Variants in CUBN observed in about 807,000 individuals in gnomAD.
The protein encoded by CUBN is cubilin, also known as 460 kDa receptor.
Under a neutral mutation model 405.3 loss-of-function variants are expected in CUBN, and 282 were observed. The ratio of observed to expected loss-of-function variants is 0.70; its 90% CI spans 0.63 to 0.77. The LOEUF is 0.77. Among genes scored for constraint, CUBN ranks in the 30% least tolerant of loss-of-function variants. The pLI, the probability that CUBN is intolerant of heterozygous loss-of-function variation, is 0.00. For missense variants in CUBN, 4,514 were observed against 4,475.2 expected (o/e 1.01, Z -0.25); for synonymous variants, 1,684 against 1,617.0 (o/e 1.04, Z -0.99).
chr10:16,910,733 C>T (rs1423955971), intron 48 of CUBN, among the ~76,000 whole-genome samples: 5 of 151,550 alleles, frequency 3.3e-5, no homozygotes, highest in African/African-American at 1.2e-4. Context: ...AAATGAGCAA[C>T]ACAAAACTTC....
chr10:17,125,575 T>C (rs1837162148), intron 4 of CUBN, among the ~76,000 whole-genome samples: 1 of 152,200 alleles, frequency 6.6e-6, no homozygotes, highest in Admixed American at 6.5e-5. Context: ...AAAGCAACAC[T>C]GTCTGGGGAC....
intron 59 of CUBN, among the ~76,000 whole-genome samples, chr10:16,860,149 A>T (rs1022810258): frequency 2.6e-5 from 4 of 152,180 alleles, no homozygotes; most frequent in African/African-American, 9.7e-5. Context: ...AAGTGGGACA[A>T]ACAAAACACA....
chr10:16,999,526 TC>T (rs1284629200), intron 28 of CUBN, among the ~76,000 whole-genome samples: 1 of 152,196 alleles, frequency 6.6e-6, no homozygotes, highest in East Asian at 1.9e-4. Context: ...CTTTTCCCTC[TC>T]CTTGGATGTT....
Position 16,947,311 on chromosome 10 carries a change from C to G in CUBN, c.5266G>C (p.Asp1756His). 1 of 1,614,088 alleles carries G rather than the reference C, an allele frequency of 6.2e-7. No homozygotes were observed. Among genetic ancestry groups the G allele is most frequent in the Non-Finnish European group, 8.5e-7 (1 of 1,179,966 alleles). Residue 1756 changes from aspartate to histidine, a missense_variant, in exon 36 of 67, where the codon GAC (aspartate) becomes CAC (histidine). This residue lies in a region of CUBN where 1,613 missense variants were observed against 1,542.8 expected (regional missense o/e 1.05). Coordinates refer to ENST00000377833, the MANE Select transcript of CUBN (RefSeq NM_001081.4). ...EGIFNSPGYP[D>H]IYPPNVECVW... ...CATTCCACATTAGGGGGATAAATGT[C>G]TGGGTAGCCAGGGCTGTTGAAGATG...
chr10:17,000,728 A>C (rs1833854197), intron 28 of CUBN, among the ~76,000 whole-genome samples: 1 of 152,126 alleles, frequency 6.6e-6, no homozygotes, highest in Admixed American at 6.5e-5. Flanking sequence ...TCACACACTG[A>C]GTTTTGTGTT....
intron 16 of CUBN, among the ~76,000 whole-genome samples, chr10:17,085,158 G>C (rs903024241): frequency 9.2e-5 from 14 of 152,140 alleles, no homozygotes; most frequent in African/African-American, 3.4e-4. Flanking sequence ...ACAGCTAATA[G>C]TATTTGGCTG....
At chr10:16,902,070 T>C (rs1230935208) in intron 51 of CUBN, among the ~76,000 whole-genome samples, 1 of 135,816 alleles carries the variant, frequency 7.4e-6, no homozygotes, top group South Asian at 2.2e-4. Context: ...GGTATATATA[T>C]ACACACACAC....
intron 27 of CUBN, among the ~76,000 whole-genome samples, chr10:17,024,425 T>A (rs1425701255): frequency 1.3e-5 from 2 of 152,220 alleles, no homozygotes; most frequent in Non-Finnish European, 2.9e-5. Flanking sequence ...GCTAAAAATT[T>A]AAAACTGTAA....
intron 27 of CUBN, among the ~76,000 whole-genome samples, chr10:17,023,008 C>G (rs187325495): frequency 4.6e-5 from 7 of 152,302 alleles, no homozygotes; most frequent in South Asian, 2.1e-4. Context: ...ATATTTCAAT[C>G]CTGCACAAGG....
intron 28 of CUBN, among the ~76,000 whole-genome samples, chr10:16,992,445 T>C (rs1242645747): frequency 6.6e-6 from 1 of 152,174 alleles, no homozygotes; most frequent in Non-Finnish European, 1.5e-5. Flanking sequence ...TGAGTAAACG[T>C]GCATTTTTCA....
chr10:16,954,484 G>A lies in CUBN; in HGVS notation c.4760C>T (p.Ala1587Val). 1.2e-6 allele frequency: 2 copies of A among 1,614,086 alleles called. No individual in the cohort carries two copies. Among genetic ancestry groups the A allele is most frequent in the Non-Finnish European group, 1.7e-6 (2 of 1,180,028 alleles). The change falls in exon 32 of 67, where the codon GCT becomes GTT. Residue 1587 changes from alanine to valine, a missense_variant. This residue lies in a region of CUBN where 1,613 missense variants were observed against 1,542.8 expected (regional missense o/e 1.05). Transcript: ENST00000377833. ...GTTTCCTGAGGAGACGATGGGGTTA[G>A]CCAGCTGCTCCCTTCCACACGTCCT... ...LARTCGREQL[A>V]NPIVSSGNSL...
At chr10:16,859,277 A>G (rs1839948289) in intron 59 of CUBN, among the ~76,000 whole-genome samples, 1 of 152,198 alleles carries the variant, frequency 6.6e-6, no homozygotes. Flanking sequence ...AAACCCAACA[A>G]TAGAAAAATA....
At chr10:16,973,557 TG>T (rs1833002902) in intron 31 of CUBN, among the ~76,000 whole-genome samples, 2 of 152,240 alleles carry the variant, frequency 1.3e-5, no homozygotes, top group East Asian at 3.9e-4. Context: ...TTGCCTGTCA[TG>T]GGGGTTTGGT....
At chr10:16,846,781 G>C (rs917064634) in intron 60 of CUBN, among the ~76,000 whole-genome samples, 4 of 146,282 alleles carry the variant, frequency 2.7e-5, no homozygotes, top group Non-Finnish European at 4.5e-5. Context: ...CATTGCACTC[G>C]AGCCTGGGTG....
intron 7 of CUBN, among the ~76,000 whole-genome samples, chr10:17,114,980 A>T (rs1227101519): frequency 1.3e-5 from 2 of 152,244 alleles, no homozygotes; most frequent in Non-Finnish European, 2.9e-5. Context: ...ACGGTGGCTC[A>T]TGCCTGTAAT....
intron 33 of CUBN, among the ~76,000 whole-genome samples, chr10:16,952,027 T>G (rs532692000): frequency 6.6e-6 from 1 of 152,214 alleles, no homozygotes; most frequent in African/African-American, 2.4e-5. Context: ...TGTGTGTTTT[T>G]TAACCTTTGC....
chr10:16,929,318 C>A (rs1483994832), intron 40 of CUBN, among the ~76,000 whole-genome samples: 1 of 152,054 alleles, frequency 6.6e-6, no homozygotes, highest in African/African-American at 2.4e-5. Context: ...AGCCCCTGTG[C>A]CGGCTGAAAC....
rs138306601 is a variant in CUBN, at chr10:16,848,621, C to G, written c.9663+2614G>C. Among the ~76,000 whole-genome samples the G allele has an allele frequency of 1.9e-3, 277 of 148,826 alleles. 1 individual carries two copies. The highest frequency in any genetic ancestry group is 6.4e-3 in the African/African-American group (260 of 40,734). On this transcript the variant is annotated intron_variant, in intron 60 of 66. Transcript: ENST00000377833. ...TAAACCTTATTACCTTTCTGTAAAGCCAGGAGAGCTCTCAAACAGTTTTGA... is the reference window on the plus strand; with the variant it reads ...TAAACCTTATTACCTTTCTGTAAAGGCAGGAGAGCTCTCAAACAGTTTTGA...
At chr10:17,084,750 T>C (rs1472961482) in intron 16 of CUBN, among the ~76,000 whole-genome samples, 3 of 152,232 alleles carry the variant, frequency 2.0e-5, no homozygotes, top group Non-Finnish European at 4.4e-5. Flanking sequence ...CTCTGCTTCA[T>C]TTCAATAAGA....
Sources: allele counts gnomAD v4.1 joint callset (sites outside exome capture counted in the v4.1 genomes callset), GRCh38; gene constraint gnomAD v4.1.1; regional missense constraint gnomAD v4.1.1; transcripts MANE v1.5; gene names NCBI Gene and HGNC (gene_info 2026-07-23, HGNC 2026-07-21).